Variants in CACNA2D3 observed in about 807,000 individuals in gnomAD.
CACNA2D3 encodes the protein calcium voltage-gated channel auxiliary subunit alpha2delta 3.
A neutral mutation model predicts 160.6 loss-of-function variants in CACNA2D3; 60 were observed. The observed-to-expected ratio is 0.37, with a 90% confidence interval of 0.30 to 0.46. The LOEUF (loss-of-function observed/expected upper bound fraction) is 0.46. CACNA2D3 is among the 20% of genes least tolerant of loss of function. The probability of loss-of-function intolerance (pLI) is 1.00; values close to 1 mark genes in which losing one functional copy is unlikely to be tolerated. For synonymous variants in CACNA2D3, 558 were observed against 492.9 expected, an observed-to-expected ratio of 1.13 and a Z score of -1.75; for missense variants, 1,205 against 1,365.0, an observed-to-expected ratio of 0.88 and a Z score of 1.85.
rs563339121 is a variant in CACNA2D3 at position 54,849,878 on chromosome 3, A to G, written c.1626+3411A>G. On this transcript the variant is annotated intron_variant, in intron 17 of 37. Coordinates refer to ENST00000474759, the MANE Select transcript of CACNA2D3 (RefSeq NM_018398.3). ...AGAGGAAAGAGGTGGGTTTCTCTGA[A>G]GCACAATACCAATATTTTTCTAATT... is the stretch of plus-strand genomic sequence containing the variant. Among the ~76,000 whole-genome samples the G allele has an allele frequency of 1.8e-4, 28 of 152,298 alleles. 1 individual carries two copies. The South Asian group carries it at 5.8e-3, about 32-fold the overall frequency.
intron 5 of CACNA2D3, among the ~76,000 whole-genome samples, chr3:54,518,595 TA>T (rs1701593632): frequency 1.3e-5 from 2 of 152,250 alleles, no homozygotes; most frequent in Admixed American, 1.3e-4. Flanking sequence ...GTATTCTTGA[TA>T]ACCTGATTCC....
chr3:54,984,692 G>A (rs900648397), intron 30 of CACNA2D3, 22 bp downstream of exon 30: 4 of 1,482,404 alleles, frequency 2.7e-6, no homozygotes, highest in Non-Finnish European at 3.7e-6. Flanking sequence ...TTTTCTACCA[G>A]CTCCAAGTAA....
intron 9 of CACNA2D3, among the ~76,000 whole-genome samples, chr3:54,613,037 A>G (rs1039061542): frequency 6.6e-6 from 1 of 152,234 alleles, no homozygotes; most frequent in African/African-American, 2.4e-5. Context: ...TCACAGGTGG[A>G]TACAAACAAT....
chr3:54,950,613 G>A (rs894958749), intron 27 of CACNA2D3, among the ~76,000 whole-genome samples: 2 of 152,188 alleles, frequency 1.3e-5, no homozygotes, highest in African/African-American at 4.8e-5. Flanking sequence ...ACAGGAGAGT[G>A]GACCTGCACA....
At chr3:54,353,256 T>A (rs890291488) in intron 3 of CACNA2D3, among the ~76,000 whole-genome samples, 1 of 152,204 alleles carries the variant, frequency 6.6e-6, no homozygotes, top group Non-Finnish European at 1.5e-5. Flanking sequence ...GGAAGCAGAA[T>A]TTCTTTGTAG....
chr3:54,384,793 C>G (rs1252155209), intron 3 of CACNA2D3, among the ~76,000 whole-genome samples: 2 of 150,488 alleles, frequency 1.3e-5, no homozygotes, highest in Non-Finnish European at 3.0e-5. Flanking sequence ...GATCTCGGCT[C>G]ACTGCAGCCT....
chr3:54,525,767 T>G (rs1372047289), intron 5 of CACNA2D3, among the ~76,000 whole-genome samples: 1 of 152,016 alleles, frequency 6.6e-6, no homozygotes, highest in Non-Finnish European at 1.5e-5. Flanking sequence ...TTTTTCCTTG[T>G]CTTTGGCCTT....
At chr3:54,333,837 C>T (rs1559452922) in intron 3 of CACNA2D3, among the ~76,000 whole-genome samples, 2 of 152,216 alleles carry the variant, frequency 1.3e-5, no homozygotes. Flanking sequence ...GGAGCCAGCC[C>T]AAAGGGGAAC....
At position 54,863,668 on chromosome 3, in the gene CACNA2D3, T is replaced by A. The variant is rs187998204; in HGVS notation, c.1627-7871T>A. Reference sequence around the variant, plus strand: ...TCATGGCTACCCAGAGGACACTGATTAAGATAAAGGTCATTCAGGTTTTCA... The same window carrying A: ...TCATGGCTACCCAGAGGACACTGATAAAGATAAAGGTCATTCAGGTTTTCA... On this transcript the variant is annotated intron_variant, in intron 17 of 37. Transcript: ENST00000474759. Among the ~76,000 whole-genome samples the A allele has an allele frequency of 2.3e-3, 352 of 152,102 alleles. 3 individuals are homozygous for A. The highest frequency in any genetic ancestry group is 7.6e-3 in the African/African-American group (315 of 41,460).
intron 5 of CACNA2D3, among the ~76,000 whole-genome samples, chr3:54,545,467 T>C (rs1272771067): frequency 1.3e-5 from 2 of 152,246 alleles, no homozygotes; most frequent in Non-Finnish European, 2.9e-5. Flanking sequence ...ATTTTCCCCT[T>C]TTTCATTGTT....
At chr3:54,444,612 C>T (rs1267285921) in intron 4 of CACNA2D3, among the ~76,000 whole-genome samples, 3 of 152,198 alleles carry the variant, frequency 2.0e-5, no homozygotes, top group Non-Finnish European at 4.4e-5. Context: ...AAGGAGGCCA[C>T]ATAACATGCA....
At chr3:55,055,450 C>G (rs903210969) in intron 35 of CACNA2D3, among the ~76,000 whole-genome samples, 5 of 152,060 alleles carry the variant, frequency 3.3e-5, no homozygotes, top group African/African-American at 1.2e-4. Flanking sequence ...ATTACTATAG[C>G]TTTGTTGTAT....
At chr3:54,333,636 G>C (rs555682446) in intron 3 of CACNA2D3, among the ~76,000 whole-genome samples, 19 of 151,778 alleles carry the variant, frequency 1.3e-4, no homozygotes, top group African/African-American at 2.7e-4. Flanking sequence ...CAGCACTCAG[G>C]GGGAGGGAGC....
chr3:54,684,360 A>G (rs1041463419), intron 11 of CACNA2D3, among the ~76,000 whole-genome samples: 3 of 152,132 alleles, frequency 2.0e-5, no homozygotes, highest in Non-Finnish European at 2.9e-5. Context: ...CCTGTTTCCA[A>G]TTAAGCCCAC....
At chr3:54,907,936 T>A (rs1211269504) in intron 27 of CACNA2D3, among the ~76,000 whole-genome samples, 1 of 152,240 alleles carries the variant, frequency 6.6e-6, no homozygotes, top group Non-Finnish European at 1.5e-5. Flanking sequence ...AATATTCCCT[T>A]GTATGGATAG....
intron 31 of CACNA2D3, among the ~76,000 whole-genome samples, chr3:55,000,407 TG>T (rs945148031): frequency 1.8e-4 from 27 of 151,560 alleles, no homozygotes; most frequent in African/African-American, 5.8e-4. Context: ...AATAGAGGAG[TG>T]GGGAACAAGG....
chr3:54,814,491 C>T (rs896087479), intron 13 of CACNA2D3, among the ~76,000 whole-genome samples: 2 of 152,222 alleles, frequency 1.3e-5, no homozygotes, highest in Non-Finnish European at 2.9e-5. Context: ...GAGCCAGCTC[C>T]CAGCAGCAGC....
At chr3:54,306,217 A>G (rs1362790464) in intron 2 of CACNA2D3, among the ~76,000 whole-genome samples, 1 of 152,156 alleles carries the variant, frequency 6.6e-6, no homozygotes, top group Non-Finnish European at 1.5e-5. Flanking sequence ...GGCACATTAC[A>G]GCATAATAAT....
chr3:54,652,663 C>CA (rs1299198296), intron 11 of CACNA2D3, among the ~76,000 whole-genome samples: 1 of 151,818 alleles, frequency 6.6e-6, no homozygotes, highest in African/African-American at 2.4e-5. Context: ...GCCCAGTGGA[C>CA]ATGGGAACAG....
Sources: gnomAD v4.1 joint callset for allele counts (sites outside exome capture counted in the v4.1 genomes callset) on GRCh38, gnomAD v4.1.1 for gene constraint, MANE v1.5 for transcripts, NCBI Gene and HGNC (gene_info 2026-07-23, HGNC 2026-07-21) for gene names.